The following NLGN4Y variants were observed in gnomAD, a reference collection of about 807,000 sequenced individuals.
NLGN4Y encodes neuroligin 4 Y-linked.
Under a neutral mutation model 8.4 loss-of-function variants are expected in NLGN4Y, and 4 were observed. The observed-to-expected ratio is 0.48, with a 90% CI of 0.23 to 1.09. NLGN4Y has a LOEUF of 1.09. NLGN4Y is among the 50% of genes least tolerant of loss of function. NLGN4Y has a pLI of 0.19. For missense variants in NLGN4Y, 90 were observed against 192.3 expected (o/e 0.47, Z 3.15); for synonymous variants, 35 against 75.6 (o/e 0.46, Z 2.78).
At chrY:14,596,512 C>T (rs771756021) in intron 1 of NLGN4Y, among the ~76,000 whole-genome samples, 28 of 33,591 alleles carry the variant, frequency 8.3e-4, no homozygotes, top group African/African-American at 3.1e-3. Flanking sequence ...TTGAGAGTTC[C>T]GCTCATGGCT....
intron 2 of NLGN4Y, among the ~76,000 whole-genome samples, chrY:14,701,198 C>T (rs2080847065): frequency 3.1e-3 from 45 of 14,317 alleles, no homozygotes; most frequent in African/African-American, 7.7e-3. Context: ...TGCACACGCA[C>T]ACACACACAC....
intron 2 of NLGN4Y, among the ~76,000 whole-genome samples, chrY:14,654,294 T>G: frequency 3.0e-5 from 1 of 33,384 alleles, no homozygotes; most frequent in South Asian, 6.6e-4. Flanking sequence ...ATTTTTTCTT[T>G]ACATATTTCT....
chrY:14,823,876 A>C, intron 4 of NLGN4Y, among the ~76,000 whole-genome samples: 2 of 33,777 alleles, frequency 5.9e-5, no homozygotes, highest in East Asian at 1.6e-3. Context: ...TATTTCTGCC[A>C]CAAAAATTGT....
intron 4 of NLGN4Y, among the ~76,000 whole-genome samples, chrY:14,767,942 G>A: frequency 1.2e-4 from 4 of 33,401 alleles, no homozygotes; most frequent in Non-Finnish European, 7.4e-5. Flanking sequence ...ACCTGATGCT[G>A]ACTGAAAAAG....
chrY:14,576,678 G>A (rs780352189), intron 1 of NLGN4Y, among the ~76,000 whole-genome samples: 36 of 33,643 alleles, frequency 1.1e-3, no homozygotes, highest in African/African-American at 3.8e-3. Context: ...TATGCTGGAA[G>A]CTGTGGACTG....
chrY:14,637,129 G>A, intron 2 of NLGN4Y, among the ~76,000 whole-genome samples: 1 of 32,652 alleles, frequency 3.1e-5, no homozygotes, highest in African/African-American at 1.2e-4. Context: ...GTAGGTGAAG[G>A]ATTCATGGGT....
intron 2 of NLGN4Y, among the ~76,000 whole-genome samples, chrY:14,633,187 T>C: frequency 3.0e-5 from 1 of 33,818 alleles, no homozygotes; most frequent in African/African-American, 1.1e-4. Context: ...CATTGGAATA[T>C]TTGGCCATTT....
chrY:14,747,175 T>C, intron 4 of NLGN4Y, among the ~76,000 whole-genome samples: 1 of 32,259 alleles, frequency 3.1e-5, no homozygotes, highest in Non-Finnish European at 7.5e-5. Context: ...CCAAATCTTG[T>C]GTTGAAATTT....
At chrY:14,810,520 G>A (rs2043074070) in intron 4 of NLGN4Y, among the ~76,000 whole-genome samples, 1 of 30,342 alleles carries the variant, frequency 3.3e-5, no homozygotes, top group African/African-American at 1.3e-4. Flanking sequence ...CAGAGTGAGA[G>A]AGTCTATCTA....
At chrY:14,589,665 G>T in intron 1 of NLGN4Y, among the ~76,000 whole-genome samples, 1 of 34,255 alleles carries the variant, frequency 2.9e-5, no homozygotes, top group Non-Finnish European at 7.3e-5. Flanking sequence ...CAATCCCTGA[G>T]CTACATATAA....
At chrY:14,654,043 T>G in intron 2 of NLGN4Y, among the ~76,000 whole-genome samples, 1 of 34,141 alleles carries the variant, frequency 2.9e-5, no homozygotes, top group Non-Finnish European at 7.3e-5. Context: ...AGTTTTATTC[T>G]CTTGTAACAT....
At chrY:14,804,807 C>T (rs2043050641) in intron 4 of NLGN4Y, among the ~76,000 whole-genome samples, 1 of 33,347 alleles carries the variant, frequency 3.0e-5, no homozygotes, top group African/African-American at 1.2e-4. Context: ...AGCACACAAC[C>T]TACATCCCTC....
At chrY:14,589,359 G>T (rs776201120) in intron 1 of NLGN4Y, among the ~76,000 whole-genome samples, 1 of 33,144 alleles carries the variant, frequency 3.0e-5, no homozygotes, top group East Asian at 8.2e-4. Context: ...TAAACACAGG[G>T]TGCTGATTGG....
intron 1 of NLGN4Y, among the ~76,000 whole-genome samples, chrY:14,594,969 T>G: frequency 6.0e-5 from 2 of 33,194 alleles, no homozygotes; most frequent in Admixed American, 5.5e-4. Context: ...TTTACTTGAC[T>G]AAGACACCAG....
intron 4 of NLGN4Y, among the ~76,000 whole-genome samples, chrY:14,727,173 A>G (rs958092738): frequency 2.9e-5 from 1 of 34,165 alleles, no homozygotes; most frequent in Non-Finnish European, 7.3e-5. Flanking sequence ...AGGTAGTAGC[A>G]TCATTAACTT....
At chrY:14,570,534 A>G in intron 1 of NLGN4Y, among the ~76,000 whole-genome samples, 1 of 33,483 alleles carries the variant, frequency 3.0e-5, no homozygotes, top group Non-Finnish European at 7.4e-5. Flanking sequence ...CTGTGTGGCA[A>G]AAGTATGGTC....
intron 4 of NLGN4Y, among the ~76,000 whole-genome samples, chrY:14,815,315 A>G (rs1011072454): frequency 1.5e-4 from 5 of 33,107 alleles, no homozygotes; most frequent in Non-Finnish European, 3.7e-4. Flanking sequence ...AGACAGTGAT[A>G]GAAAGAGGGA....
chrY:14,576,319 C>T, intron 1 of NLGN4Y, among the ~76,000 whole-genome samples: 1 of 33,515 alleles, frequency 3.0e-5, no homozygotes, highest in African/African-American at 1.2e-4. Flanking sequence ...TCACTGCCAC[C>T]TTGTAGTTTG....
chrY:14,695,832 G>A (rs759007385), intron 2 of NLGN4Y, among the ~76,000 whole-genome samples: 7 of 33,040 alleles, frequency 2.1e-4, no homozygotes, highest in Admixed American at 1.4e-3. Flanking sequence ...AGTGCCACAC[G>A]GGGATGAAAT....
Sources: gnomAD v4.1 joint callset for allele counts (sites outside exome capture counted in the v4.1 genomes callset) on GRCh38, gnomAD v4.1.1 for gene constraint, MANE v1.5 for transcripts, NCBI Gene and HGNC (gene_info 2026-07-23, HGNC 2026-07-21) for gene names.